Variants in CELF2 observed in about 807,000 individuals in gnomAD.
CELF2 encodes CUG triplet repeat RNA-binding protein 2.
CELF2 carries 8 observed loss-of-function variants against 62.6 expected under a neutral mutation model. The ratio of observed to expected loss-of-function variants is 0.13; its 90% CI spans 0.07 to 0.23. CELF2 has a LOEUF of 0.23. Among genes scored for constraint, CELF2 ranks in the 10% least tolerant of loss-of-function variants. CELF2 has a pLI of 1.00. For synonymous variants in CELF2, 258 were observed against 250.0 expected (o/e 1.03, Z -0.30); for missense variants, 333 against 671.0 (o/e 0.50, Z 5.56).
intron 1 of CELF2, among the ~76,000 whole-genome samples, chr10:11,139,085 A>G (rs1413360216): frequency 6.6e-6 from 1 of 152,246 alleles, no homozygotes; most frequent in Non-Finnish European, 1.5e-5. Flanking sequence ...ATGAAAGTGA[A>G]TTACCTTAAT....
intron 1 of CELF2, among the ~76,000 whole-genome samples, chr10:10,864,368 T>G (rs563621512): frequency 6.6e-6 from 1 of 152,306 alleles, no homozygotes; most frequent in African/African-American, 2.4e-5. Context: ...CTTCAGTATA[T>G]TTATTTGCCA....
At chr10:11,087,890 A>G (rs1291808) in intron 1 of CELF2, among the ~76,000 whole-genome samples, 1,572 of 152,338 alleles carry the variant, frequency 0.01, 26 homozygotes, top group African/African-American at 0.036. Context: ...TCTACTTCCC[A>G]GGGCCTCGCA....
the CELF2 span, among the ~76,000 whole-genome samples, chr10:10,530,706 G>GT: frequency 6.6e-6 from 1 of 152,180 alleles, no homozygotes; most frequent in Non-Finnish European, 1.5e-5. Flanking sequence ...TTGATACCTG[G>GT]TTACCTACAA....
At chr10:10,920,169 A>G (rs2064755685) in intron 2 of CELF2, among the ~76,000 whole-genome samples, 1 of 152,210 alleles carries the variant, frequency 6.6e-6, no homozygotes, top group South Asian at 2.1e-4. Flanking sequence ...CGTCACATAT[A>G]CATGATGTAA....
the CELF2 span, among the ~76,000 whole-genome samples, chr10:10,634,590 C>A: frequency 6.6e-6 from 1 of 151,664 alleles, no homozygotes; most frequent in African/African-American, 2.4e-5. Flanking sequence ...TCAGGGTAAG[C>A]TAGGTTATGC....
At chr10:10,488,160 A>C in the CELF2 span, among the ~76,000 whole-genome samples, 1 of 152,144 alleles carries the variant, frequency 6.6e-6, no homozygotes. Context: ...ATTTTGAAGT[A>C]TTAGTTAAGG....
At chr10:10,827,431 T>G (rs2057484238) in intron 1 of CELF2, among the ~76,000 whole-genome samples, 1 of 152,196 alleles carries the variant, frequency 6.6e-6, no homozygotes, top group Non-Finnish European at 1.5e-5. Flanking sequence ...TCATTTATCT[T>G]TGCAACCTGA....
chr10:11,084,969 A>G (rs943664436), intron 1 of CELF2, among the ~76,000 whole-genome samples: 1 of 152,192 alleles, frequency 6.6e-6, no homozygotes, highest in Admixed American at 6.5e-5. Context: ...ATGTTCTGCT[A>G]TTACTGTATT....
intron 9 of CELF2, among the ~76,000 whole-genome samples, chr10:11,312,642 GA>G (rs1166189421): frequency 6.6e-6 from 1 of 152,186 alleles, no homozygotes; most frequent in East Asian, 1.9e-4. Flanking sequence ...AAATGGAATT[GA>G]AAGACAAACC....
rs1361815541 is a variant in CELF2, at chr10:11,321,774, G to C, written c.1294+388G>C. ...TTACCTTCTAATTTAATTTTTCATC[G>C]ATCTCTTCAGATGAAGTTCTTGTCC... is the stretch of plus-strand genomic sequence containing the variant. On this transcript the variant is annotated intron_variant, in intron 11 of 12. Coordinates refer to ENST00000633077, the MANE Select transcript of CELF2 (RefSeq NM_001326342.2). This position sits in a 1 kb window ranked among gnomAD's most constrained non-coding sequence, Gnocchi z 6.2. Among the ~76,000 whole-genome samples, 1 of 151,968 alleles carries C rather than the reference G, an allele frequency of 6.6e-6. No individual in the cohort carries two copies. The highest frequency in any genetic ancestry group is 1.9e-4 in the East Asian group (1 of 5,184).
rs561488882 is a variant in CELF2, at chr10:10,904,838, A to G, written c.54-15126A>G. Among the ~76,000 whole-genome samples the G allele has an allele frequency of 2.0e-5, 3 of 152,328 alleles. No homozygotes were observed. The South Asian group carries it at 6.2e-4, about 32-fold the overall frequency. ...GTGCATATATACACCTTTGTCATAGAAAGTATCAATTCCTGAGAAGCAGTT... is the reference window on the plus strand; with the variant it reads ...GTGCATATATACACCTTTGTCATAGGAAGTATCAATTCCTGAGAAGCAGTT... On this transcript the variant is annotated intron_variant, in intron 1 of 13. Coordinates refer to the CELF2 transcript ENST00000636488.
chr10:11,257,655 C>G, intron 4 of CELF2, 83 bp from the exon 5 acceptor site: 1 of 1,512,994 alleles, frequency 6.6e-7, no homozygotes, highest in South Asian at 1.2e-5. Flanking sequence ...TGGCTGGGGC[C>G]TGGTTTGATG....
the CELF2 span, among the ~76,000 whole-genome samples, chr10:10,533,881 A>G: frequency 2.0e-5 from 3 of 152,246 alleles, no homozygotes; most frequent in African/African-American, 4.8e-5. Context: ...ACTGGCGGAT[A>G]ATATTTGAAT....
At chr10:10,687,940 T>C in the CELF2 span, among the ~76,000 whole-genome samples, 3 of 152,232 alleles carry the variant, frequency 2.0e-5, no homozygotes, top group Admixed American at 6.5e-5. Context: ...CAAAATGCTG[T>C]CTCCTATTCT....
the CELF2 span, among the ~76,000 whole-genome samples, chr10:10,680,986 T>G: frequency 6.6e-6 from 1 of 152,242 alleles, no homozygotes. Context: ...AAATTCCTCA[T>G]GTAAATAATA....
At chr10:10,626,388 G>A in the CELF2 span, among the ~76,000 whole-genome samples, 1 of 152,142 alleles carries the variant, frequency 6.6e-6, no homozygotes, top group Non-Finnish European at 1.5e-5. Context: ...GATTGATCTA[G>A]GGTAGTAAAT....
chr10:11,227,087 CTG>C lies in CELF2; in HGVS notation c.354+9582_354+9583del, dbSNP rs2066894659. Among the ~76,000 whole-genome samples, 5 of 152,288 alleles carry C rather than the reference CTG, an allele frequency of 3.3e-5. No homozygotes were observed. In the South Asian group the frequency reaches 6.2e-4, roughly 19 times the overall value. ...TCACCCTGGAAGAGTGAGCAGGACT[CTG>C]TTACCTGCAACCCCAAGCTTTAGGC... On this transcript the variant is annotated intron_variant, in intron 3 of 12. Transcript: ENST00000633077. This position sits in a 1 kb window ranked among gnomAD's most constrained non-coding sequence, Gnocchi z 4.8.
chr10:10,694,612 T>C, the CELF2 span, among the ~76,000 whole-genome samples: 9 of 151,862 alleles, frequency 5.9e-5, no homozygotes, highest in Admixed American at 4.6e-4. Context: ...GACAGTGGGG[T>C]GTTAAAGTCT....
intron 1 of CELF2, among the ~76,000 whole-genome samples, chr10:11,141,281 G>A (rs893496719): frequency 2.6e-5 from 4 of 152,160 alleles, no homozygotes; most frequent in African/African-American, 9.7e-5. Flanking sequence ...ATAGGATTTG[G>A]CAAAAGGAAT....
Sources: allele counts gnomAD v4.1 joint callset (sites outside exome capture counted in the v4.1 genomes callset), GRCh38; gene constraint gnomAD v4.1.1; non-coding constraint Gnocchi (gnomAD v3.1); transcripts MANE v1.5; gene names NCBI Gene and HGNC (gene_info 2026-07-23, HGNC 2026-07-21).